PIK3C2G: variants seen among roughly 807,000 people sequenced by gnomAD.
PIK3C2G encodes the protein phosphatidylinositol-4-phosphate 3-kinase catalytic subunit type 2 gamma.
A neutral mutation model predicts 181.1 loss-of-function variants in PIK3C2G; 168 were observed. That is an observed-to-expected ratio of 0.93 (90% confidence interval 0.82 to 1.05). The LOEUF (loss-of-function observed/expected upper bound fraction) is 1.05. Ranked by LOEUF, PIK3C2G falls within the 50% of genes least tolerant of loss-of-function variation. The probability of loss-of-function intolerance (pLI) is 0.00; values close to 1 mark genes in which losing one functional copy is unlikely to be tolerated. For synonymous variants in PIK3C2G, 573 were observed against 592.2 expected, an observed-to-expected ratio of 0.97 and a Z score of 0.47; for missense variants, 1,869 against 1,732.8, an observed-to-expected ratio of 1.08 and a Z score of -1.40.
chr12:18,480,365 C>T lies in PIK3C2G; in HGVS notation c.2505-8084C>T, dbSNP rs965210294. On this transcript the variant is annotated intron_variant, in intron 18 of 32. Coordinates refer to ENST00000538779, the MANE Select transcript of PIK3C2G (RefSeq NM_001288772.2). The stretch of plus-strand genomic sequence containing the variant: ...TGTTTTGTAATGTAAACAGGACAGT[C>T]CCTTCTCTTAAACCCCATTATTTGA... 3.9e-5 allele frequency among the ~76,000 whole-genome samples: 6 copies of T among 152,100 alleles called. No homozygotes were observed. The East Asian group carries it at 7.7e-4, about 20-fold the overall frequency.
the PIK3C2G span, among the ~76,000 whole-genome samples, chr12:18,691,947 TC>T: frequency 1.3e-5 from 2 of 152,176 alleles, no homozygotes; most frequent in Non-Finnish European, 2.9e-5. Context: ...AAAACAGCTC[TC>T]AATCCTCCCA....
rs1945715043 is a variant in PIK3C2G at position 18,425,042 on chromosome 12, T to C, written c.2504+1003T>C. 3 of 180,886 alleles carry C rather than the reference T, an allele frequency of 1.7e-5. No individual in the cohort carries two copies. In the South Asian group the frequency reaches 4.2e-4, roughly 25 times the overall value. 11.2% of individuals were successfully genotyped at this position (180,886 alleles called of 1,614,324 possible). ...GAAAAAATGATAATGATGATGCTGATGATGATTCAGCAGATATGGATGAAT... is the reference window on the plus strand; with the variant it reads ...GAAAAAATGATAATGATGATGCTGACGATGATTCAGCAGATATGGATGAAT... On this transcript the variant is annotated intron_variant, in intron 18 of 32. Transcript: ENST00000538779.
At chr12:18,589,654 T>C (rs1394664245) in intron 29 of PIK3C2G, among the ~76,000 whole-genome samples, 4 of 151,908 alleles carry the variant, frequency 2.6e-5, no homozygotes, top group South Asian at 4.2e-4. Context: ...CAAGGATTAT[T>C]AAGAAAATGA....
intron 15 of PIK3C2G, among the ~76,000 whole-genome samples, chr12:18,395,085 TTC>T (rs1359594815): frequency 7.0e-6 from 1 of 143,638 alleles, no homozygotes; most frequent in Admixed American, 7.2e-5. Flanking sequence ...CTTTCATTCC[TTC>T]TTTCTTTCTT....
chr12:18,669,480 T>C, the PIK3C2G span, among the ~76,000 whole-genome samples: 1 of 152,204 alleles, frequency 6.6e-6, no homozygotes, highest in Non-Finnish European at 1.5e-5. Flanking sequence ...ACTGCTATAA[T>C]AAAAATACCA....
At chr12:18,430,616 G>C (rs1411666585) in intron 18 of PIK3C2G, among the ~76,000 whole-genome samples, 2 of 152,182 alleles carry the variant, frequency 1.3e-5, no homozygotes, top group Non-Finnish European at 2.9e-5. Flanking sequence ...TATGTCGATA[G>C]GGGGTGGAGG....
chr12:18,498,576 T>TC (rs893985595), intron 22 of PIK3C2G, among the ~76,000 whole-genome samples: 2 of 151,936 alleles, frequency 1.3e-5, no homozygotes, highest in African/African-American at 4.8e-5. Context: ...CATTTTTTTT[T>TC]TTTTAATTCA....
At chr12:18,588,160 C>A (rs942214448) in intron 29 of PIK3C2G, among the ~76,000 whole-genome samples, 1 of 151,902 alleles carries the variant, frequency 6.6e-6, no homozygotes, top group Non-Finnish European at 1.5e-5. Context: ...AGAAGACAAC[C>A]TAAACAATAC....
At chr12:18,422,336 G>A (rs969087577) in intron 17 of PIK3C2G, among the ~76,000 whole-genome samples, 5 of 151,814 alleles carry the variant, frequency 3.3e-5, no homozygotes, top group South Asian at 2.1e-4. Flanking sequence ...AAAAACACTG[G>A]AAGAATTTCA....
In PIK3C2G at chr12:18,577,927, A is replaced by C. The variant is rs922705586; in HGVS notation, c.4011+10870A>C. Reference sequence around the variant, plus strand: ...CTCGGCGTATTAGCTGCCACATTGAAAATCACTGTCTTAGTCATTCAACAA... The same window carrying C: ...CTCGGCGTATTAGCTGCCACATTGACAATCACTGTCTTAGTCATTCAACAA... On this transcript the variant is annotated intron_variant, in intron 29 of 32. Coordinates refer to ENST00000538779, the MANE Select transcript of PIK3C2G (RefSeq NM_001288772.2). Among the ~76,000 whole-genome samples, 4 of 152,202 alleles carry C rather than the reference A, an allele frequency of 2.6e-5. No homozygotes were observed. The East Asian group carries it at 7.7e-4, about 29-fold the overall frequency.
chr12:18,432,347 T>C (rs1046463731), intron 18 of PIK3C2G, among the ~76,000 whole-genome samples: 11 of 152,146 alleles, frequency 7.2e-5, no homozygotes, highest in Non-Finnish European at 8.8e-5. Flanking sequence ...TGTATATACA[T>C]AATGAACTCA....
intron 10 of PIK3C2G, 58 bp downstream of exon 10, chr12:18,343,418 C>A: frequency 1.1e-6 from 1 of 896,868 alleles, no homozygotes. Context: ...GTTACAGAAT[C>A]CAAAATACTT....
rs542660241 is a variant in PIK3C2G, at chr12:18,343,831, ATAAT to A, written c.1429+474_1429+477del. ...ACAGGTAGGAGGATTTGGTTCTGGA[ATAAT>A]TAGTGTTTACAGAGGCTTCGAGTCT... is the stretch of plus-strand genomic sequence containing the variant. On this transcript the variant is annotated intron_variant, in intron 10 of 32. Coordinates refer to ENST00000538779, the MANE Select transcript of PIK3C2G (RefSeq NM_001288772.2). Among the ~76,000 whole-genome samples the A allele has an allele frequency of 2.9e-3, 445 of 152,216 alleles. 2 individuals are homozygous for A. Among genetic ancestry groups the A allele is most frequent in the African/African-American group, 9.8e-3 (407 of 41,548 alleles).
intron 32 of PIK3C2G, among the ~76,000 whole-genome samples, chr12:18,643,799 T>C (rs2136821919): frequency 6.6e-6 from 1 of 152,060 alleles, no homozygotes; most frequent in South Asian, 2.1e-4. Context: ...TGTTTTAAAC[T>C]TTTCCTCCAC....
chr12:18,257,236 A>G (rs931976697), upstream of PIK3C2G, among the ~76,000 whole-genome samples: 5 of 152,190 alleles, frequency 3.3e-5, no homozygotes, highest in Non-Finnish European at 7.3e-5. Context: ...TTGAAACTCT[A>G]TTGTGGAAAC....
chr12:18,634,431 G>C (rs507648), intron 31 of PIK3C2G, among the ~76,000 whole-genome samples: 1 of 151,998 alleles, frequency 6.6e-6, no homozygotes, highest in South Asian at 2.1e-4. Flanking sequence ...GTCCATGGAC[G>C]GTAGTTCTGA....
chr12:18,557,051 TAGATGCCAACCCAG>T (rs1309381805), intron 26 of PIK3C2G, among the ~76,000 whole-genome samples: 1 of 152,138 alleles, frequency 6.6e-6, no homozygotes, highest in Non-Finnish European at 1.5e-5. Flanking sequence ...ATCACTTTGA[TAGATGCCAACCCAG>T]AAAAGTCATA....
the PIK3C2G span, among the ~76,000 whole-genome samples, chr12:18,667,520 G>A: frequency 7.2e-5 from 11 of 152,030 alleles, no homozygotes; most frequent in Non-Finnish European, 1.3e-4. Flanking sequence ...CTAGAGTTTG[G>A]CTTGTTTTTA....
intron 24 of PIK3C2G, among the ~76,000 whole-genome samples, chr12:18,508,586 A>G (rs12301691): frequency 0.02 from 3,089 of 152,234 alleles, 107 homozygotes; most frequent in African/African-American, 0.071. Flanking sequence ...TGTAGAGAGA[A>G]ACCTAGCCCA....
Sources: gnomAD v4.1 joint callset for allele counts (sites outside exome capture counted in the v4.1 genomes callset) on GRCh38, gnomAD v4.1.1 for gene constraint, MANE v1.5 for transcripts, NCBI Gene and HGNC (gene_info 2026-07-23, HGNC 2026-07-21) for gene names.